TBCK: variants seen among roughly 807,000 people sequenced by gnomAD.
TBCK encodes the protein TBC1 domain containing kinase, also known as TBC domain-containing protein kinase-like protein.
Under a neutral mutation model 113.4 loss-of-function variants are expected in TBCK, and 99 were observed. That is an observed-to-expected ratio of 0.87 (90% CI 0.74 to 1.03). The LOEUF (loss-of-function observed/expected upper bound fraction) is 1.03, where lower values mean the gene tolerates loss of function less well. TBCK is among the 50% of genes least tolerant of loss of function. TBCK has a pLI of 0.00. For synonymous variants in TBCK, 369 were observed against 370.8 expected (o/e 1.00, Z 0.05); for missense variants, 1,045 against 1,061.3 (o/e 0.98, Z 0.21).
intron 20 of TBCK, among the ~76,000 whole-genome samples, chr4:106,206,503 A>G (rs189323899): frequency 1.8e-4 from 27 of 152,308 alleles, no homozygotes; most frequent in Non-Finnish European, 3.4e-4. Context: ...TGTTGGGGAC[A>G]TAGCAGCTAC....
At chr4:106,105,499 G>T (rs1295901955) in intron 24 of TBCK, among the ~76,000 whole-genome samples, 1 of 152,176 alleles carries the variant, frequency 6.6e-6, no homozygotes, top group Non-Finnish European at 1.5e-5. Flanking sequence ...GGGGAGAGGA[G>T]CCCACACTTT....
At chr4:106,147,029 C>A (rs556710589) in intron 23 of TBCK, among the ~76,000 whole-genome samples, 1 of 152,290 alleles carries the variant, frequency 6.6e-6, no homozygotes, top group African/African-American at 2.4e-5. Flanking sequence ...AGAAGCAACT[C>A]CTCATCCATT....
intron 3 of TBCK, among the ~76,000 whole-genome samples, chr4:106,264,584 T>C (rs1250170501): frequency 3.9e-5 from 6 of 151,992 alleles, no homozygotes; most frequent in Non-Finnish European, 8.8e-5. Context: ...CATTGCCATA[T>C]GATAATAATG....
intron 25 of TBCK, among the ~76,000 whole-genome samples, chr4:106,087,129 G>T (rs1739605787): frequency 2.0e-5 from 3 of 152,174 alleles, no homozygotes; most frequent in Non-Finnish European, 4.4e-5. Flanking sequence ...AATAGGAAGA[G>T]AGGAAGTCAA....
intron 12 of TBCK, among the ~76,000 whole-genome samples, chr4:106,240,665 G>C (rs1760006015): frequency 6.6e-6 from 1 of 151,676 alleles, no homozygotes. Flanking sequence ...CTCATCTACT[G>C]GTATACTTAA....
upstream of TBCK, chr4:106,316,558 C>T (rs1017031275): frequency 1.3e-6 from 2 of 1,551,506 alleles, no homozygotes; most frequent in Non-Finnish European, 1.7e-6. Context: ...ATGCTTCCTG[C>T]TGTGGCTGTC....
rs1761291436 is a variant in TBCK, at chr4:106,250,362, T to G, written c.658+56A>C. Reference sequence around the variant, plus strand: ...AAGAACACATCCTCAATGTGCATGATTACTAATAGTAAGTTATATTTATAT... The same window carrying G: ...AAGAACACATCCTCAATGTGCATGAGTACTAATAGTAAGTTATATTTATAT... On this transcript the variant is annotated intron_variant, in intron 7 of 25. Transcript: ENST00000394708. 38 of 1,170,642 alleles carry G rather than the reference T, an allele frequency of 3.2e-5. No homozygotes were observed. The South Asian group carries it at 5.2e-4, about 16-fold the overall frequency. The allele number at this position is 1,170,642 out of a possible 1,614,324, so 72.5% of individuals were successfully genotyped here. A position where few individuals can be genotyped will look rare whatever the true frequency, so the allele number is the denominator to read the frequency against.
intron 25 of TBCK, among the ~76,000 whole-genome samples, chr4:106,049,439 A>C (rs1166521690): frequency 5.3e-5 from 8 of 152,054 alleles, no homozygotes; most frequent in Non-Finnish European, 1.0e-4. Context: ...ATGAGAATCC[A>C]GATGAGATGG....
At chr4:106,180,639 T>A (rs1427973848) in intron 22 of TBCK, among the ~76,000 whole-genome samples, 1 of 152,110 alleles carries the variant, frequency 6.6e-6, no homozygotes, top group Non-Finnish European at 1.5e-5. Context: ...CAGTATTTGG[T>A]TTTCTATCTT....
chr4:106,283,082 T>C (rs554579247), intron 3 of TBCK, among the ~76,000 whole-genome samples: 3 of 152,230 alleles, frequency 2.0e-5, no homozygotes, highest in Non-Finnish European at 4.4e-5. Context: ...ATTTGCATCA[T>C]ACTTTCACCA....
chr4:106,184,952 A>G (rs1752839116), intron 22 of TBCK, among the ~76,000 whole-genome samples: 1 of 152,040 alleles, frequency 6.6e-6, no homozygotes, highest in Admixed American at 6.6e-5. Context: ...AAGTATCTGT[A>G]TCTACTCTAC....
intron 24 of TBCK, among the ~76,000 whole-genome samples, 173 bp downstream of exon 24, chr4:106,116,030 T>C (rs1743442885): frequency 6.6e-6 from 1 of 152,210 alleles, no homozygotes; most frequent in Admixed American, 6.5e-5. Flanking sequence ...TATGTAATGT[T>C]ATCTTATAAA....
intron 25 of TBCK, among the ~76,000 whole-genome samples, chr4:106,054,527 A>G (rs997412742): frequency 6.6e-6 from 1 of 151,716 alleles, no homozygotes; most frequent in East Asian, 1.9e-4. Context: ...ACCACTTTAT[A>G]TATATATCTA....
rs555615199 is a variant in TBCK at position 106,229,361 on chromosome 4, T to A, written c.1774+1002A>T. On this transcript the variant is annotated intron_variant, in intron 19 of 25. Coordinates refer to ENST00000394708, the MANE Select transcript of TBCK (RefSeq NM_001163435.3). The stretch of plus-strand genomic sequence containing the variant: ...GAGCTTCCCCAGTGTTTTCTTATAG[T>A]AGTTTCATAATTTGAGGTCTTAGAT... Among the ~76,000 whole-genome samples the A allele has an allele frequency of 2.0e-5, 3 of 152,204 alleles. No individual in the cohort carries two copies. In the South Asian group the frequency reaches 6.2e-4, roughly 32 times the overall value.
At chr4:106,097,401 T>C (rs918877644) in intron 24 of TBCK, among the ~76,000 whole-genome samples, 13 of 152,276 alleles carry the variant, frequency 8.5e-5, no homozygotes, top group Non-Finnish European at 4.4e-5. Context: ...ATGAAACTTA[T>C]AGCACAAAAA....
chr4:106,072,542 T>G (rs187629630), intron 25 of TBCK, among the ~76,000 whole-genome samples: 2 of 152,352 alleles, frequency 1.3e-5, no homozygotes, highest in African/African-American at 4.8e-5. Flanking sequence ...TTTCCTTCAT[T>G]TTAACCTTGG....
intron 3 of TBCK, among the ~76,000 whole-genome samples, chr4:106,284,869 A>T (rs374844711): frequency 2.4e-4 from 36 of 152,260 alleles, no homozygotes; most frequent in African/African-American, 7.9e-4. Flanking sequence ...AGGAGTTGAG[A>T]TCTAAATTTC....
intron 15 of TBCK, 70 bp from the exon 16 acceptor site, chr4:106,233,720 A>G (rs1759138500): frequency 7.9e-7 from 1 of 1,261,390 alleles, no homozygotes; most frequent in African/African-American, 1.5e-5. Context: ...AGAGAAATCT[A>G]TTTTTTACAA....
At chr4:106,306,107 T>C (rs891201174) in intron 2 of TBCK, among the ~76,000 whole-genome samples, 10 of 152,038 alleles carry the variant, frequency 6.6e-5, no homozygotes, top group African/African-American at 2.4e-4. Flanking sequence ...CTTGGGGGTC[T>C]GGATTGGGAC....
Sources: gnomAD v4.1 joint callset for allele counts (sites outside exome capture counted in the v4.1 genomes callset) on GRCh38, gnomAD v4.1.1 for gene constraint, MANE v1.5 for transcripts, NCBI Gene and HGNC (gene_info 2026-07-23, HGNC 2026-07-21) for gene names.